Variants in MAP4K3 observed in about 807,000 individuals in gnomAD.
MAP4K3 encodes mitogen-activated protein kinase kinase kinase kinase 3.
In MAP4K3, 94 loss-of-function variants were observed where a neutral mutation model predicts 143.5. The ratio of observed to expected loss-of-function variants is 0.65; its 90% CI spans 0.55 to 0.78. The LOEUF is 0.78. Among genes scored for constraint, MAP4K3 ranks in the 30% least tolerant of loss-of-function variants. The probability of loss-of-function intolerance (pLI) is 0.00; values close to 1 mark genes in which losing one functional copy is unlikely to be tolerated. For synonymous variants in MAP4K3, 416 were observed against 347.2 expected, an observed-to-expected ratio of 1.20 and a Z score of -2.20; for missense variants, 1,077 against 1,068.1, an observed-to-expected ratio of 1.01 and a Z score of -0.12.
chr2:39,255,799 T>C (rs1168035813), intron 31 of MAP4K3, among the ~76,000 whole-genome samples: 1 of 152,228 alleles, frequency 6.6e-6, no homozygotes, highest in Non-Finnish European at 1.5e-5. Flanking sequence ...GTGTTGGGAT[T>C]ACAGGCATGA....
chr2:39,353,733 T>C (rs897609532), intron 3 of MAP4K3, among the ~76,000 whole-genome samples: 3 of 151,626 alleles, frequency 2.0e-5, no homozygotes, highest in Non-Finnish European at 2.9e-5. Flanking sequence ...GAAGTAGTAG[T>C]AGTAGCAGCA....
intron 16 of MAP4K3, among the ~76,000 whole-genome samples, chr2:39,293,635 G>A (rs1468932313): frequency 6.6e-6 from 1 of 152,044 alleles, no homozygotes; most frequent in Non-Finnish European, 1.5e-5. Flanking sequence ...AATTTTACCT[G>A]GAATTTTATA....
In MAP4K3 at chr2:39,324,405, CA is replaced by C. The variant is rs894725861; in HGVS notation, c.918+1112del. 4.1e-5 allele frequency among the ~76,000 whole-genome samples: 6 copies of C among 145,238 alleles called. No individual in the cohort carries two copies. In the South Asian group the frequency reaches 8.8e-4, roughly 21 times the overall value. ...CTGGGTAATAGAGTAAGACTCATCT[CA>C]AAAAAAAACAAAAACAAAACAAAAA... On this transcript the variant is annotated intron_variant, in intron 12 of 33. Transcript: ENST00000263881.
intron 26 of MAP4K3, chr2:39,271,807 G>A (rs1286428258): frequency 6.4e-6 from 1 of 155,102 alleles, no homozygotes; most frequent in Admixed American, 6.4e-5. Flanking sequence ...ATGTTGCTCA[G>A]GCTGGTCTTG....
At chr2:39,340,823 A>C (rs780504781) in intron 4 of MAP4K3, among the ~76,000 whole-genome samples, 65 of 152,182 alleles carry the variant, frequency 4.3e-4, no homozygotes, top group Non-Finnish European at 7.8e-4. Flanking sequence ...CCAAAAATAA[A>C]ATCTAATGGA....
At chr2:39,429,554 T>C (rs1334542998) in intron 1 of MAP4K3, among the ~76,000 whole-genome samples, 2 of 152,228 alleles carry the variant, frequency 1.3e-5, no homozygotes, top group Admixed American at 6.5e-5. Context: ...GTTTTGATAA[T>C]GCACTATAGG....
In MAP4K3 at chr2:39,370,884, A is replaced by G. The variant is rs1479732700; in HGVS notation, c.154+7182T>C. ...TTTTAAATTCTGACTTTAAATCACAAAAAGATTCCAGATCTATAACTTATT... is the reference window on the plus strand; with the variant it reads ...TTTTAAATTCTGACTTTAAATCACAGAAAGATTCCAGATCTATAACTTATT... On this transcript the variant is annotated intron_variant, in intron 2 of 33. Coordinates refer to ENST00000263881, the MANE Select transcript of MAP4K3 (RefSeq NM_003618.4). Among the ~76,000 whole-genome samples the G allele has an allele frequency of 2.6e-5, 4 of 152,216 alleles. No individual in the cohort carries two copies. In the East Asian group the frequency reaches 7.7e-4, roughly 29 times the overall value.
chr2:39,345,213 A>C (rs1453243676), intron 3 of MAP4K3, among the ~76,000 whole-genome samples: 3 of 152,000 alleles, frequency 2.0e-5, no homozygotes. Context: ...ATCTCTTAAA[A>C]AACAAACAAA....
intron 1 of MAP4K3, among the ~76,000 whole-genome samples, chr2:39,430,089 T>C (rs1403377841): frequency 6.6e-6 from 1 of 152,194 alleles, no homozygotes; most frequent in South Asian, 2.1e-4. Flanking sequence ...AATAAAGACA[T>C]ACACAAGACT....
chr2:39,392,872 C>G (rs11124680), intron 1 of MAP4K3, among the ~76,000 whole-genome samples: 34 of 152,140 alleles, frequency 2.2e-4, no homozygotes, highest in Middle Eastern at 3.4e-3. Flanking sequence ...TGGATGCCAT[C>G]GCCATGCTCT....
At chr2:39,301,548 C>A (rs1472248358) in intron 15 of MAP4K3, among the ~76,000 whole-genome samples, 1 of 152,160 alleles carries the variant, frequency 6.6e-6, no homozygotes, top group Non-Finnish European at 1.5e-5. Context: ...ATCTCTTAAG[C>A]CTTTAATCAA....
At chr2:39,263,751 G>C (rs936691665) in intron 28 of MAP4K3, among the ~76,000 whole-genome samples, 3 of 152,088 alleles carry the variant, frequency 2.0e-5, no homozygotes, top group African/African-American at 7.2e-5. Flanking sequence ...CAGAATGCTG[G>C]TAAGAGGCCT....
intron 12 of MAP4K3, among the ~76,000 whole-genome samples, chr2:39,321,825 G>A (rs1018709575): frequency 3.3e-5 from 5 of 152,202 alleles, no homozygotes; most frequent in African/African-American, 1.2e-4. Context: ...TAAAAGCACA[G>A]CACTTGATTC....
At chr2:39,393,077 T>C (rs1666711899) in intron 1 of MAP4K3, among the ~76,000 whole-genome samples, 1 of 152,224 alleles carries the variant, frequency 6.6e-6, no homozygotes, top group Non-Finnish European at 1.5e-5. Flanking sequence ...TCCTTCTCTC[T>C]CATCAGGCTG....
chr2:39,263,418 G>GC (rs1680644061), intron 28 of MAP4K3, among the ~76,000 whole-genome samples: 2 of 146,504 alleles, frequency 1.4e-5, no homozygotes, highest in South Asian at 4.3e-4. Flanking sequence ...GACTACAGGC[G>GC]CCCACCATCA....
At chr2:39,327,461 TATTA>T (rs1470500304) in intron 8 of MAP4K3, among the ~76,000 whole-genome samples, 17 of 152,208 alleles carry the variant, frequency 1.1e-4, no homozygotes, top group African/African-American at 3.4e-4. Context: ...TGATTTAAAC[TATTA>T]ATTATCAAAT....
chr2:39,271,702 C>T (rs2148454251), intron 26 of MAP4K3, among the ~76,000 whole-genome samples: 1 of 152,278 alleles, frequency 6.6e-6, no homozygotes, highest in South Asian at 2.1e-4. Flanking sequence ...ACTGATCCTC[C>T]CACTTCAGCC....
intron 8 of MAP4K3, among the ~76,000 whole-genome samples, chr2:39,328,161 T>C (rs190960510): frequency 3.4e-4 from 51 of 152,170 alleles, no homozygotes; most frequent in Non-Finnish European, 5.9e-4. Flanking sequence ...CAAAACCCCG[T>C]CTCTACCAAA....
rs563232084 is a variant in MAP4K3 at position 39,352,635 on chromosome 2, T to C, written c.245+3614A>G. On this transcript the variant is annotated intron_variant, in intron 3 of 33. Coordinates refer to ENST00000263881, the MANE Select transcript of MAP4K3 (RefSeq NM_003618.4). ...TCTACTTTTATTGTAGGTATATTAA[T>C]GATATTGAACAGTGGAGTAGGAAAG... is the stretch of plus-strand genomic sequence containing the variant. Among the ~76,000 whole-genome samples the C allele has an allele frequency of 2.6e-5, 4 of 152,334 alleles. No homozygotes were observed. In the South Asian group the frequency reaches 6.2e-4, roughly 24 times the overall value.
Sources: gnomAD v4.1 joint callset for allele counts (sites outside exome capture counted in the v4.1 genomes callset) on GRCh38, gnomAD v4.1.1 for gene constraint, MANE v1.5 for transcripts, NCBI Gene and HGNC (gene_info 2026-07-23, HGNC 2026-07-21) for gene names.